The following CNTN4 variants were observed in gnomAD, a reference collection of about 807,000 sequenced individuals.
The protein encoded by CNTN4 is contactin-4.
In CNTN4, 77 loss-of-function variants were observed where a neutral mutation model predicts 122.5. The ratio of observed to expected loss-of-function variants is 0.63; its 90% CI spans 0.52 to 0.76. The LOEUF is 0.76. CNTN4 is among the 30% of genes least tolerant of loss of function. The pLI is 0.00. For synonymous variants in CNTN4, 512 were observed against 447.0 expected (o/e 1.15, Z -1.83); for missense variants, 1,256 against 1,259.1 (o/e 1.00, Z 0.04).
chr3:3,042,582 AGC>A (rs1413030086), intron 21 of CNTN4, among the ~76,000 whole-genome samples, 160 bp downstream of exon 21: 2 of 152,174 alleles, frequency 1.3e-5, no homozygotes, highest in Non-Finnish European at 2.9e-5. Flanking sequence ...TTGAATACTC[AGC>A]TGTGAGACTA....
intron 2 of CNTN4, among the ~76,000 whole-genome samples, chr3:2,106,516 G>A (rs537953926): frequency 2.0e-5 from 3 of 152,326 alleles, no homozygotes; most frequent in Admixed American, 6.5e-5. Flanking sequence ...TACACCTTCC[G>A]AAGCAACAGC....
chr3:2,799,306 A>T (rs2092288645), intron 6 of CNTN4, among the ~76,000 whole-genome samples: 1 of 152,004 alleles, frequency 6.6e-6, no homozygotes, highest in Admixed American at 6.6e-5. Context: ...CACTCTGTTG[A>T]TTATTTCTTG....
chr3:2,972,103 C>A (rs1239535365), intron 13 of CNTN4, among the ~76,000 whole-genome samples: 2 of 152,128 alleles, frequency 1.3e-5, no homozygotes, highest in African/African-American at 2.4e-5. Flanking sequence ...ATTATACAGA[C>A]CTCCTGATGT....
intron 4 of CNTN4, among the ~76,000 whole-genome samples, chr3:2,697,483 C>A (rs2086104007): frequency 6.6e-6 from 1 of 152,172 alleles, no homozygotes; most frequent in Non-Finnish European, 1.5e-5. Context: ...GATGTGCCTA[C>A]TCATTACCAT....
intron 3 of CNTN4, among the ~76,000 whole-genome samples, chr3:2,522,146 AGTTTGTGT>A (rs57358217): frequency 0.29 from 38,491 of 134,332 alleles, 5,105 homozygotes; most frequent in East Asian, 0.39. Flanking sequence ...CTGCCTAAGC[AGTTTGTGT>A]GTGTGTGTGT....
chr3:2,691,386 T>G (rs2085730011), intron 4 of CNTN4, among the ~76,000 whole-genome samples: 1 of 152,124 alleles, frequency 6.6e-6, no homozygotes, highest in Non-Finnish European at 1.5e-5. Context: ...TGGTGGTGGT[T>G]CTGAAGAAGA....
chr3:2,888,695 G>A (rs1442020184), intron 10 of CNTN4, among the ~76,000 whole-genome samples: 3 of 151,132 alleles, frequency 2.0e-5, no homozygotes, highest in Non-Finnish European at 4.4e-5. Flanking sequence ...TGGCTTCTGT[G>A]TATGAAATAT....
At chr3:2,590,287 C>T (rs576671955) in intron 4 of CNTN4, among the ~76,000 whole-genome samples, 2 of 152,188 alleles carry the variant, frequency 1.3e-5, no homozygotes, top group East Asian at 1.9e-4. Context: ...GACAGGGTCT[C>T]GCTCTGTCGC....
chr3:2,429,568 C>G (rs1297622160), intron 3 of CNTN4, among the ~76,000 whole-genome samples: 2 of 152,218 alleles, frequency 1.3e-5, no homozygotes, highest in Non-Finnish European at 2.9e-5. Context: ...GTTCTCAGAT[C>G]TCAAACTCCG....
At chr3:2,251,376 A>G (rs1322098390) in intron 2 of CNTN4, among the ~76,000 whole-genome samples, 3 of 151,950 alleles carry the variant, frequency 2.0e-5, no homozygotes, top group Non-Finnish European at 4.4e-5. Flanking sequence ...GTTTTCTTCA[A>G]TTATTCTAAT....
chr3:3,040,141 T>C lies in CNTN4; in HGVS notation c.2268T>C (p.Asp756=), dbSNP rs339285. ...TGCTGACAGTGCTGGCCTCAGCTGA[T>C]GCCTCTAGATACGTGTTCAGGAATG... is the stretch of plus-strand genomic sequence containing the variant. ...IWMLTVLASA[D]ASRYVFRNES... is the part of the protein sequence containing the mutation. The change falls in exon 20 of 25, where the codon GAT becomes GAC. Residue 756 remains aspartate, a synonymous_variant. Coordinates refer to ENST00000418658, the MANE Select transcript of CNTN4 (RefSeq NM_175607.3). 0.91 allele frequency: 1,465,998 copies of C among 1,613,992 alleles called. 666,908 individuals are homozygous for C. Among genetic ancestry groups the C allele is most frequent in the African/African-American group, 0.96 (72,317 of 75,064 alleles).
intron 4 of CNTN4, among the ~76,000 whole-genome samples, chr3:2,679,197 G>A (rs1454768849): frequency 6.6e-6 from 1 of 152,076 alleles, no homozygotes; most frequent in Non-Finnish European, 1.5e-5. Flanking sequence ...CAAAGTTTAT[G>A]TGTCATTTTA....
chr3:2,815,799 C>T (rs149625500), intron 6 of CNTN4, among the ~76,000 whole-genome samples: 1 of 151,772 alleles, frequency 6.6e-6, no homozygotes, highest in African/African-American at 2.4e-5. Flanking sequence ...TTTATAGTGG[C>T]ACAATTCACA....
chr3:2,949,018 A>G (rs1440049926), intron 13 of CNTN4, among the ~76,000 whole-genome samples: 3 of 152,112 alleles, frequency 2.0e-5, no homozygotes, highest in East Asian at 1.9e-4. Context: ...AGTGTCCTAC[A>G]TAGCCAGGCC....
intron 14 of CNTN4, among the ~76,000 whole-genome samples, chr3:2,992,750 C>A (rs1353780967): frequency 6.6e-6 from 1 of 152,180 alleles, no homozygotes; most frequent in Non-Finnish European, 1.5e-5. Context: ...TTAACATAGT[C>A]ATCGTGCTGA....
chr3:2,156,387 A>G (rs1490834433), intron 2 of CNTN4, among the ~76,000 whole-genome samples: 1 of 152,164 alleles, frequency 6.6e-6, no homozygotes, highest in Non-Finnish European at 1.5e-5. Context: ...AGCAGAGTTC[A>G]TTGCAGCAAT....
intron 7 of CNTN4, among the ~76,000 whole-genome samples, chr3:2,836,693 A>G (rs1487624580): frequency 6.6e-6 from 1 of 151,822 alleles, no homozygotes; most frequent in African/African-American, 2.4e-5. Context: ...CTCAAAATAT[A>G]CCATATTACA....
intron 12 of CNTN4, among the ~76,000 whole-genome samples, chr3:2,913,830 C>G (rs192506621): frequency 2.8e-4 from 42 of 152,310 alleles, no homozygotes; most frequent in Admixed American, 5.9e-4. Context: ...ATAAAGAACA[C>G]TGCTCTCTAC....
intron 2 of CNTN4, among the ~76,000 whole-genome samples, chr3:2,120,395 ATATATATATATTTTTTTT>A (rs1559260982): frequency 6.5e-5 from 2 of 30,654 alleles, no homozygotes; most frequent in African/African-American, 1.8e-4. Flanking sequence ...ATATATATAT[ATATATATATATTTTTTTT>A]TTTTTTTTTA....
Sources: gnomAD v4.1 joint callset for allele counts (sites outside exome capture counted in the v4.1 genomes callset) on GRCh38, gnomAD v4.1.1 for gene constraint, MANE v1.5 for transcripts, NCBI Gene and HGNC (gene_info 2026-07-23, HGNC 2026-07-21) for gene names.